AKR1C3: variants seen among roughly 807,000 people sequenced by gnomAD.
AKR1C3 encodes 3-alpha hydroxysteroid dehydrogenase, type II.
A neutral mutation model predicts 43.6 loss-of-function variants in AKR1C3; 48 were observed. That is an observed-to-expected ratio of 1.10 (90% CI 0.87 to 1.40). The LOEUF is 1.40. AKR1C3 is among the 40% of genes most tolerant of loss of function. The probability of loss-of-function intolerance (pLI) is 0.00; values close to 1 mark genes in which losing one functional copy is unlikely to be tolerated. For missense variants in AKR1C3, 482 were observed against 391.2 expected, an observed-to-expected ratio of 1.23 and a Z score of -1.96; for synonymous variants, 162 against 139.6, an observed-to-expected ratio of 1.16 and a Z score of -1.13.
chr10:5,099,733 G>C (rs1269118111), intron 5 of AKR1C3: 1 of 429,590 alleles, frequency 2.3e-6, no homozygotes, highest in Non-Finnish European at 4.2e-6. Flanking sequence ...TCAAGGAAAG[G>C]TGGACTTACC....
chr10:5,094,646 G>A (rs771453326), intron 1 of AKR1C3, 118 bp downstream of exon 1: 2 of 1,123,756 alleles, frequency 1.8e-6, no homozygotes, highest in Non-Finnish European at 1.3e-6. Context: ...CACTGGTCTA[G>A]GTTTCCTAGG....
upstream of AKR1C3, among the ~76,000 whole-genome samples, chr10:5,091,636 T>C (rs1839091708): frequency 6.6e-6 from 1 of 152,130 alleles, no homozygotes; most frequent in Non-Finnish European, 1.5e-5. Context: ...TACAGCACCC[T>C]ATAGTTATAA....
intron 2 of AKR1C3, 140 bp from the exon 3 acceptor site, chr10:5,097,294 C>T: frequency 9.8e-7 from 1 of 1,020,404 alleles, no homozygotes; most frequent in Non-Finnish European, 1.4e-6. Context: ...CCAAAGGAAT[C>T]ATGAGAAGGA....
At chr10:5,088,386 T>G (rs1564365287) in intron 1 of AKR1C3, among the ~76,000 whole-genome samples, 1 of 152,022 alleles carries the variant, frequency 6.6e-6, no homozygotes, top group Non-Finnish European at 1.5e-5. Flanking sequence ...TTGGCTGATT[T>G]TCTGTCTCAA....
At chr10:5,088,420 G>C (rs1564365297) in intron 1 of AKR1C3, among the ~76,000 whole-genome samples, 1 of 151,732 alleles carries the variant, frequency 6.6e-6, no homozygotes. Flanking sequence ...TTATAAGTGG[G>C]GTGTTGATGT....
chr10:5,096,361 C>A (rs782221240), intron 1 of AKR1C3, 49 bp from the exon 2 acceptor site: 1 of 1,580,184 alleles, frequency 6.3e-7, no homozygotes, highest in Non-Finnish European at 8.6e-7. Flanking sequence ...GCCTGAACTA[C>A]CTCTCAGCCA....
chr10:5,099,377 AAACTTC>A lies in AKR1C3; in HGVS notation c.502_507del (p.Phe168_Asn169del), dbSNP rs1839292693. 6.2e-7 allele frequency: 1 copy of A among 1,614,174 alleles called. No individual in the cohort carries two copies. ...GATTGGCCAAGTCCATTGGGGTGTC[AAACTTC>A]AACCGCAGGCAGCTGGAGATGATCC... On this transcript the variant is annotated inframe_deletion, in exon 5 of 9. Coordinates refer to ENST00000380554, the MANE Select transcript of AKR1C3 (RefSeq NM_003739.6).
chr10:5,053,633 G>A (rs1554779223), intron 1 of AKR1C3, among the ~76,000 whole-genome samples: 1 of 152,266 alleles, frequency 6.6e-6, no homozygotes. Context: ...GGCAAGGACT[G>A]TGAGGCCTGC....
intron 1 of AKR1C3, among the ~76,000 whole-genome samples, chr10:5,049,444 T>A (rs1838106653): frequency 6.6e-6 from 1 of 151,986 alleles, no homozygotes. Context: ...CTGAGAAAAT[T>A]ACCAGAGGAT....
chr10:5,097,087 T>C (rs1564368933), intron 2 of AKR1C3, among the ~76,000 whole-genome samples: 1 of 152,160 alleles, frequency 6.6e-6, no homozygotes, highest in Non-Finnish European at 1.5e-5. Context: ...TAAATAGCTA[T>C]TCTTAAGCAT....
At chr10:5,049,476 A>C (rs1838107468) in intron 1 of AKR1C3, among the ~76,000 whole-genome samples, 1 of 152,356 alleles carries the variant, frequency 6.6e-6, no homozygotes, top group Non-Finnish European at 1.5e-5. Flanking sequence ...TCATTTTAAG[A>C]GAAAAGAAAA....
Position 5,096,420 on chromosome 10 carries a change from G to C in AKR1C3, c.95G>C (p.Ser32Thr). The C allele has an allele frequency of 6.2e-7, 1 of 1,613,146 alleles. No homozygotes were observed. The highest frequency in any genetic ancestry group is 8.5e-7 in the Non-Finnish European group (1 of 1,179,376). ...GTYAPPEVPRSKALEVTKLAI... is the reference protein window; with the variant it reads ...GTYAPPEVPRTKALEVTKLAI... The stretch of plus-strand genomic sequence containing the variant: ...TGGTTGCTCCTCCAGGTTCCGAGAA[G>C]TAAAGCTTTGGAGGTCACAAAATTA... The change falls in exon 2 of 9, where the codon AGT becomes ACT. Residue 32 changes from serine (S) to threonine (T), a missense_variant. Transcript: ENST00000380554.
In AKR1C3 at chr10:5,102,137, C is replaced by T. The variant is rs372418068; in HGVS notation, c.607C>T (p.Leu203=). The change falls in exon 6 of 9, where the codon CTA becomes TTA. Residue 203 remains leucine, a synonymous_variant. Transcript: ENST00000380554. ...TCCGTATTTCAACCGGAGTAAATTG[C>T]TAGATTTCTGCAAGTCGAAAGATAT... ...CHPYFNRSKL[L]DFCKSKDIVL... The T allele has an allele frequency of 4.3e-6, 7 of 1,613,858 alleles. No individual in the cohort carries two copies. Among genetic ancestry groups the T allele is most frequent in the Non-Finnish European group, 5.1e-6 (6 of 1,179,930 alleles).
At chr10:5,053,192 AG>A (rs1162906935) in intron 1 of AKR1C3, among the ~76,000 whole-genome samples, 1 of 152,206 alleles carries the variant, frequency 6.6e-6, no homozygotes, top group Non-Finnish European at 1.5e-5. Context: ...GCCGTGGAGC[AG>A]GGGGCAGCGC....
intron 1 of AKR1C3, among the ~76,000 whole-genome samples, chr10:5,066,577 T>C (rs1467517842): frequency 1.3e-5 from 2 of 152,184 alleles, no homozygotes; most frequent in Non-Finnish European, 2.9e-5. Flanking sequence ...ACGAGACTAT[T>C]ATTATGACTA....
At chr10:5,054,921 A>G (rs1373021048) in intron 1 of AKR1C3, among the ~76,000 whole-genome samples, 3 of 152,150 alleles carry the variant, frequency 2.0e-5, no homozygotes, top group Non-Finnish European at 2.9e-5. Context: ...GGGTTTTTGC[A>G]CTGCATGCAA....
intron 1 of AKR1C3, among the ~76,000 whole-genome samples, chr10:5,071,845 C>G (rs1554781355): frequency 6.6e-6 from 1 of 152,188 alleles, no homozygotes. Context: ...TAATTTTCCG[C>G]TTGGCTGATT....
At chr10:5,056,783 A>T (rs782523464) in intron 1 of AKR1C3, among the ~76,000 whole-genome samples, 1 of 152,172 alleles carries the variant, frequency 6.6e-6, no homozygotes, top group Admixed American at 6.5e-5. Flanking sequence ...CCTCCCTAAT[A>T]AGGATGTGGG....
At chr10:5,107,438 A>G in intron 8 of AKR1C3, 23 bp from the exon 9 acceptor site, 1 of 1,488,186 alleles carries the variant, frequency 6.7e-7, no homozygotes, top group Non-Finnish European at 9.4e-7. Context: ...TTGCATTTAT[A>G]TTATACATTA....
Sources: gnomAD v4.1 joint callset for allele counts (sites outside exome capture counted in the v4.1 genomes callset) on GRCh38, gnomAD v4.1.1 for gene constraint, MANE v1.5 for transcripts, NCBI Gene and HGNC (gene_info 2026-07-23, HGNC 2026-07-21) for gene names.